Variants in SLC25A41 observed in about 807,000 individuals in gnomAD.
The protein encoded by SLC25A41 is mitochondrial carrier protein SCaMC-3L.
A neutral mutation model predicts 34.7 loss-of-function variants in SLC25A41; 35 were observed. The ratio of observed to expected loss-of-function variants is 1.01; its 90% CI spans 0.77 to 1.34. The LOEUF (loss-of-function observed/expected upper bound fraction) is 1.34, where lower values mean the gene tolerates loss of function less well. Among genes scored for constraint, SLC25A41 ranks in the 40% most tolerant of loss-of-function variants. The pLI is 0.00. For synonymous variants in SLC25A41, 190 were observed against 209.9 expected, an observed-to-expected ratio of 0.91 and a Z score of 0.82; for missense variants, 492 against 489.8, an observed-to-expected ratio of 1.00 and a Z score of -0.04.
At chr19:6,431,945 C>G in intron 2 of SLC25A41, 104 bp downstream of exon 2, 1 of 1,415,924 alleles carries the variant, frequency 7.1e-7, no homozygotes, top group Non-Finnish European at 9.5e-7. Context: ...CCAGCCAGCA[C>G]TCCTATCCTG....
intron 4 of SLC25A41, among the ~76,000 whole-genome samples, chr19:6,429,095 TTACA>T (rs1475609943): frequency 0.017 from 408 of 24,328 alleles, 108 homozygotes; most frequent in African/African-American, 0.091. Flanking sequence ...TATATATATG[TTACA>T]TATATATATA....
chr19:6,431,909 C>T (rs1459889787), intron 2 of SLC25A41, 140 bp downstream of exon 2: 1 of 1,012,810 alleles, frequency 9.9e-7, no homozygotes, highest in Non-Finnish European at 1.4e-6. Context: ...CAACCTCAAT[C>T]TCAGCTAGTC....
intron 4 of SLC25A41, among the ~76,000 whole-genome samples, chr19:6,428,500 A>G (rs2092254583): frequency 6.8e-6 from 1 of 147,814 alleles, no homozygotes. Flanking sequence ...GTATATATAC[A>G]TATTATATAT....
In SLC25A41 at chr19:6,433,622, G is replaced by A. The variant is rs752812938; in HGVS notation, c.72C>T (p.Thr24=). ...GGGGAGGCGGGGCTTTGATGAGTAA[G>A]GTCTTGACCCTCCTAAACAGTGTCT... The part of the protein sequence containing the change: ...RIQTLFRRVK[T]LLIKAPPPPQ... Residue 24 remains threonine, a synonymous_variant, in exon 1 of 7, where the codon ACC becomes ACT. Transcript: ENST00000321510. The A allele has an allele frequency of 6.2e-7, 1 of 1,611,742 alleles. No individual in the cohort carries two copies. The highest frequency in any genetic ancestry group is 8.5e-7 in the Non-Finnish European group (1 of 1,178,804).
upstream of SLC25A41, chr19:6,433,848 G>A (rs1599261592): frequency 5.7e-6 from 3 of 522,532 alleles, no homozygotes; most frequent in African/African-American, 3.9e-5. Flanking sequence ...GGTGGGCAGC[G>A]TGATGGCCCC....
rs755829227 is a variant in SLC25A41, at chr19:6,427,061, C to T, written c.940+42G>A. 30 of 1,547,870 alleles carry T rather than the reference C, an allele frequency of 1.9e-5. No individual in the cohort carries two copies. Among genetic ancestry groups the T allele is most frequent in the African/African-American group, 4.1e-5 (3 of 73,248 alleles). On this transcript the variant is annotated intron_variant, in intron 6 of 6. Coordinates refer to ENST00000321510, the MANE Select transcript of SLC25A41 (RefSeq NM_173637.4). This position sits in a 1 kb window ranked among gnomAD's most constrained non-coding sequence, Gnocchi z 4.9. Reference sequence around the variant, plus strand: ...GAAAATTGAGACAGCCAGGGTGGGGCGGGGAAGGGGCATGCGTGGTGGCCG... The same window carrying T: ...GAAAATTGAGACAGCCAGGGTGGGGTGGGGAAGGGGCATGCGTGGTGGCCG...
chr19:6,434,594 G>A (rs2092299996), upstream of SLC25A41, among the ~76,000 whole-genome samples: 1 of 152,098 alleles, frequency 6.6e-6, no homozygotes. Flanking sequence ...TGGCAAAGGG[G>A]AATTAAGTTT....
chr19:6,432,705 C>T (rs2145148677), intron 1 of SLC25A41, among the ~76,000 whole-genome samples: 1 of 151,950 alleles, frequency 6.6e-6, no homozygotes, highest in East Asian at 1.9e-4. Context: ...ATTCTCGTGT[C>T]TCAGCTTCCC....
chr19:6,427,133 T>C lies in SLC25A41; in HGVS notation c.910A>G (p.Thr304Ala). ...GCCTGCATCCTGGTGCGCACCAGAG[T>C]CAGTGGGTAGCTGGCCATCTGGCCA... ...TCGQMASYPL[T>A]LVRTRMQAQD... Residue 304 changes from threonine to alanine, a missense_variant, in exon 6 of 7, where the codon ACT (threonine) becomes GCT (alanine). Transcript: ENST00000321510. The surrounding 1 kb of genome is among the most constrained non-coding windows in gnomAD (Gnocchi z 4.9). 6.2e-7 allele frequency: 1 copy of C among 1,608,068 alleles called. No individual in the cohort carries two copies. Among genetic ancestry groups the C allele is most frequent in the Non-Finnish European group, 8.5e-7 (1 of 1,177,950 alleles).
At position 6,427,213 on chromosome 19, in the gene SLC25A41, A is replaced by G. The variant is rs2092246215; in HGVS notation, c.830T>C (p.Met277Thr). 8.1e-6 allele frequency: 13 copies of G among 1,612,702 alleles called. No homozygotes were observed. The highest frequency in any genetic ancestry group is 1.7e-4 in the Middle Eastern group (1 of 6,060). The part of the protein sequence containing the change: ...QCFWVKSGRD[M>T]GDPSGLVSLS... ...ACTGACCAGGCCACTGGGGTCCCCC[A>G]TATCCCTGCCTGACTTCACCCAGAA... Residue 277 changes from methionine (M) to threonine (T), a missense_variant, in exon 6 of 7, where the codon ATG (methionine) becomes ACG (threonine). Transcript: ENST00000321510. This position sits in a 1 kb window ranked among gnomAD's most constrained non-coding sequence, Gnocchi z 4.9.
At chr19:6,429,049 T>TATAA (rs60926059) in intron 4 of SLC25A41, among the ~76,000 whole-genome samples, 1 of 37,376 alleles carries the variant, frequency 2.7e-5, no homozygotes, top group African/African-American at 1.6e-4. Context: ...AATATATATA[T>TATAA]TATATATATG....
chr19:6,433,287 G>A lies in SLC25A41; in HGVS notation c.207+200C>T, dbSNP rs560413504. The stretch of plus-strand genomic sequence containing the variant: ...TGGTCTTGAACTCCTGTCCTCAAGT[G>A]ACCCATCCACCTCAACCTCCCAAAG... On this transcript the variant is annotated intron_variant, in intron 1 of 6. Coordinates refer to ENST00000321510, the MANE Select transcript of SLC25A41 (RefSeq NM_173637.4). Among the ~76,000 whole-genome samples the A allele has an allele frequency of 2.4e-4, 36 of 152,166 alleles. 1 individual carries two copies. The Middle Eastern group carries it at 0.014, about 58-fold the overall frequency.
At chr19:6,431,322 C>T (rs2092284647) in intron 2 of SLC25A41, among the ~76,000 whole-genome samples, 1 of 151,874 alleles carries the variant, frequency 6.6e-6, no homozygotes, top group Admixed American at 6.6e-5. Flanking sequence ...GATCATGGCT[C>T]ACTGCAGCCT....
chr19:6,435,635 T>C (rs890188280), upstream of SLC25A41, among the ~76,000 whole-genome samples: 8 of 152,056 alleles, frequency 5.3e-5, no homozygotes, highest in African/African-American at 1.9e-4. Flanking sequence ...GGCGGGAGGA[T>C]CACTTGAGTC....
intron 4 of SLC25A41, 134 bp downstream of exon 4, chr19:6,429,590 G>C (rs964864638): frequency 3.2e-5 from 19 of 584,858 alleles, no homozygotes; most frequent in Non-Finnish European, 5.3e-5. Context: ...GAGGTGAACG[G>C]GGAGGAGGGA....
chr19:6,433,436 C>G, intron 1 of SLC25A41, 51 bp downstream of exon 1: 1 of 1,575,298 alleles, frequency 6.3e-7, no homozygotes, highest in Non-Finnish European at 8.7e-7. Flanking sequence ...CCTGGCCTCT[C>G]CCTGTAGTCC....
At chr19:6,436,129 AC>A, upstream of SLC25A41, 1 of 213,944 alleles carries the variant, frequency 4.7e-6, no homozygotes, top group Non-Finnish European at 9.9e-6. Context: ...GTGACGAATT[AC>A]CCCCCCGCCA....
At chr19:6,432,825 C>T (rs990228200) in intron 1 of SLC25A41, among the ~76,000 whole-genome samples, 11 of 150,674 alleles carry the variant, frequency 7.3e-5, no homozygotes, top group East Asian at 5.9e-4. Context: ...GCCAACGTGC[C>T]GAGCAAATTT....
upstream of SLC25A41, among the ~76,000 whole-genome samples, chr19:6,434,324 T>A (rs2092298727): frequency 6.6e-6 from 1 of 152,154 alleles, no homozygotes; most frequent in Non-Finnish European, 1.5e-5. Context: ...CAGGGTTAGA[T>A]GAACTCATGA....
Sources: allele counts gnomAD v4.1 joint callset (sites outside exome capture counted in the v4.1 genomes callset), GRCh38; gene constraint gnomAD v4.1.1; non-coding constraint Gnocchi (gnomAD v3.1); transcripts MANE v1.5; gene names NCBI Gene and HGNC (gene_info 2026-07-23, HGNC 2026-07-21).